POU6F2: variants seen among roughly 807,000 people sequenced by gnomAD.
POU6F2 encodes POU class 6 homeobox 2.
Under a neutral mutation model 71.3 loss-of-function variants are expected in POU6F2, and 31 were observed. The ratio of observed to expected loss-of-function variants is 0.43; its 90% CI spans 0.33 to 0.59. The LOEUF is 0.59. Ranked by LOEUF, POU6F2 falls within the 20% of genes least tolerant of loss-of-function variation. The pLI is 0.04. For missense variants in POU6F2, 783 were observed against 856.8 expected (o/e 0.91, Z 1.07); for synonymous variants, 347 against 355.7 (o/e 0.98, Z 0.27).
At chr7:39,308,161 T>C (rs988923511) in intron 4 of POU6F2, among the ~76,000 whole-genome samples, 1 of 152,128 alleles carries the variant, frequency 6.6e-6, no homozygotes, top group African/African-American at 2.4e-5. Context: ...CAGCTATTCA[T>C]AGAAGGAACT....
At chr7:39,185,084 T>C (rs1047115437) in intron 2 of POU6F2, among the ~76,000 whole-genome samples, 2 of 152,190 alleles carry the variant, frequency 1.3e-5, no homozygotes, top group African/African-American at 2.4e-5. Flanking sequence ...TGCAGCTTCA[T>C]AAATAATATA....
intron 2 of POU6F2, among the ~76,000 whole-genome samples, chr7:39,170,458 C>A (rs912802760): frequency 6.6e-6 from 1 of 151,960 alleles, no homozygotes; most frequent in African/African-American, 2.4e-5. Flanking sequence ...TAAAAATTTC[C>A]CAATTTCCCA....
chr7:39,464,652 A>T lies in POU6F2; in HGVS notation c.2129A>T (p.Glu710Val). 6.2e-7 allele frequency: 1 copy of T among 1,607,174 alleles called. No individual in the cohort carries two copies. Among genetic ancestry groups the T allele is most frequent in the Non-Finnish European group, 8.5e-7 (1 of 1,177,012 alleles). Residue 710 changes from glutamate to valine, a missense_variant, in exon 10 of 10, where the codon GAG (glutamate) becomes GTG (valine). Transcript: ENST00000518318. The surrounding 1 kb of genome is among the most constrained non-coding windows in gnomAD (Gnocchi z 4.1). ...GAGCCGGCCACGGCAGTCCCTTTGG[A>T]GCCCTTAACAGACTCTCTGGAAGAA... ...QHEPATAVPL[E>V]PLTDSLEENS
chr7:39,406,475 TG>T (rs1458525183), intron 5 of POU6F2, 124 bp from the exon 6 acceptor site: 1 of 1,114,226 alleles, frequency 9.0e-7, no homozygotes, highest in Non-Finnish European at 1.3e-6. Flanking sequence ...GCCCCTCCGG[TG>T]GGTTCCAGGC....
At chr7:39,353,974 G>A (rs893745131) in intron 5 of POU6F2, among the ~76,000 whole-genome samples, 4 of 152,132 alleles carry the variant, frequency 2.6e-5, no homozygotes, top group Non-Finnish European at 4.4e-5. Flanking sequence ...GAGTTACATC[G>A]GCCCAGGCCC....
chr7:39,174,742 C>T (rs568650357), intron 2 of POU6F2, among the ~76,000 whole-genome samples: 2 of 152,300 alleles, frequency 1.3e-5, no homozygotes, highest in South Asian at 4.1e-4. Context: ...GTTCTTACAA[C>T]CACTCAAGTC....
chr7:39,311,018 G>T (rs1251619088), intron 4 of POU6F2, among the ~76,000 whole-genome samples: 3 of 152,194 alleles, frequency 2.0e-5, no homozygotes, highest in African/African-American at 7.2e-5. Context: ...CTCCAGGGAA[G>T]CAAGTCACAT....
chr7:39,276,615 C>T (rs903513966), intron 4 of POU6F2, among the ~76,000 whole-genome samples: 11 of 151,102 alleles, frequency 7.3e-5, no homozygotes, highest in Non-Finnish European at 1.0e-4. Context: ...ATGTTTATTG[C>T]GGCACTATTC....
intron 1 of POU6F2, among the ~76,000 whole-genome samples, chr7:39,030,678 G>T (rs769748580): frequency 8.0e-5 from 12 of 150,824 alleles, no homozygotes; most frequent in Non-Finnish European, 1.5e-4. Flanking sequence ...TGTGCTGGTT[G>T]TGTGGACATA....
At chr7:39,416,665 A>G (rs1787683438) in intron 6 of POU6F2, among the ~76,000 whole-genome samples, 1 of 152,256 alleles carries the variant, frequency 6.6e-6, no homozygotes. Flanking sequence ...AGCAAGAATT[A>G]CAAGAATTCT....
intron 1 of POU6F2, among the ~76,000 whole-genome samples, chr7:39,052,013 G>T (rs1293872665): frequency 6.6e-6 from 1 of 152,056 alleles, no homozygotes; most frequent in Non-Finnish European, 1.5e-5. Flanking sequence ...CTCTTCTACC[G>T]ATCACTGGCA....
intron 5 of POU6F2, among the ~76,000 whole-genome samples, chr7:39,388,285 C>T (rs1042658048): frequency 6.6e-6 from 1 of 151,998 alleles, no homozygotes; most frequent in African/African-American, 2.4e-5. Flanking sequence ...TTTGAATGTC[C>T]TGTTGATATC....
In POU6F2 at chr7:39,404,219, T is replaced by C. The variant is rs1460615101; in HGVS notation, c.973-2381T>C. The stretch of plus-strand genomic sequence containing the variant: ...TTTCTGACCCCAAAACACAAAAGCT[T>C]AGAAGCCCACTTTTAAGTAGAGACT... On this transcript the variant is annotated intron_variant, in intron 5 of 9. Transcript: ENST00000518318. Among the ~76,000 whole-genome samples the C allele has an allele frequency of 3.3e-5, 5 of 152,302 alleles. 1 individual carries two copies. Among genetic ancestry groups the C allele is most frequent in the South Asian group, 4.2e-4 (2 of 4,818 alleles).
intron 5 of POU6F2, among the ~76,000 whole-genome samples, chr7:39,371,028 T>A (rs1786594739): frequency 6.6e-6 from 1 of 152,180 alleles, no homozygotes; most frequent in Non-Finnish European, 1.5e-5. Context: ...TCTCATAGAT[T>A]ATATGAATTT....
intron 6 of POU6F2, among the ~76,000 whole-genome samples, chr7:39,408,020 A>G (rs1200715252): frequency 6.6e-6 from 1 of 152,192 alleles, no homozygotes; most frequent in Non-Finnish European, 1.5e-5. Context: ...CCTTTTCATC[A>G]AAGGATCATT....
chr7:39,159,528 C>A (rs534379391), intron 2 of POU6F2, among the ~76,000 whole-genome samples: 1 of 152,196 alleles, frequency 6.6e-6, no homozygotes, highest in African/African-American at 2.4e-5. Context: ...AGTGTTGAAA[C>A]GTACACGCAT....
At chr7:39,371,670 G>A (rs1384345704) in intron 5 of POU6F2, among the ~76,000 whole-genome samples, 3 of 152,112 alleles carry the variant, frequency 2.0e-5, no homozygotes, top group African/African-American at 4.8e-5. Context: ...CCACCCAAGA[G>A]GAGTCATGCT....
chr7:39,287,374 A>G (rs1346251503), intron 4 of POU6F2, among the ~76,000 whole-genome samples: 1 of 152,062 alleles, frequency 6.6e-6, no homozygotes, highest in East Asian at 1.9e-4. Context: ...TTCTCCCTGT[A>G]TGTTACCCCT....
At chr7:38,997,200 T>C (rs956132910) in intron 1 of POU6F2, among the ~76,000 whole-genome samples, 1 of 152,242 alleles carries the variant, frequency 6.6e-6, no homozygotes, top group Non-Finnish European at 1.5e-5. Context: ...TAATTTCCTT[T>C]AGACATGGCT....
Sources: allele counts gnomAD v4.1 joint callset (sites outside exome capture counted in the v4.1 genomes callset), GRCh38; gene constraint gnomAD v4.1.1; non-coding constraint Gnocchi (gnomAD v3.1); transcripts MANE v1.5; gene names NCBI Gene and HGNC (gene_info 2026-07-23, HGNC 2026-07-21).